The following WDR59 variants were observed in gnomAD, a reference collection of about 807,000 sequenced individuals.
WDR59 encodes GATOR2 complex protein WDR59.
In WDR59, 100 loss-of-function variants were observed where a neutral mutation model predicts 131.2. The ratio of observed to expected loss-of-function variants is 0.76; its 90% CI spans 0.65 to 0.90. The LOEUF (loss-of-function observed/expected upper bound fraction) is 0.90, where lower values mean the gene tolerates loss of function less well. Among genes scored for constraint, WDR59 ranks in the 40% least tolerant of loss-of-function variants. WDR59 has a pLI of 0.00. For missense variants in WDR59, 1,203 were observed against 1,262.2 expected (o/e 0.95, Z 0.71); for synonymous variants, 601 against 466.2 (o/e 1.29, Z -3.72).
At chr16:74,958,076 G>C (rs2033376782) in intron 2 of WDR59, among the ~76,000 whole-genome samples, 1 of 152,168 alleles carries the variant, frequency 6.6e-6, no homozygotes, top group Admixed American at 6.6e-5. Context: ...ATACATGTGA[G>C]GTGAGTATCA....
chr16:74,984,946 A>C lies in WDR59; in HGVS notation c.54+18T>G. On this transcript the variant is annotated intron_variant, in intron 1 of 25. Coordinates refer to ENST00000262144, the MANE Select transcript of WDR59 (RefSeq NM_030581.4). ...GGAGGACGCATGCCCAGAGGGCTCC[A>C]CTCGGCCTCTAGCTCACCTGGGAGT... 1 of 1,601,962 alleles carries C rather than the reference A, an allele frequency of 6.2e-7. No homozygotes were observed. The highest frequency in any genetic ancestry group is 8.5e-7 in the Non-Finnish European group (1 of 1,174,618).
At chr16:74,915,798 A>T in intron 13 of WDR59, 72 bp downstream of exon 13, 1 of 1,596,064 alleles carries the variant, frequency 6.3e-7, no homozygotes. Context: ...AACTGAAATC[A>T]TTGCTGAAAT....
intron 17 of WDR59, among the ~76,000 whole-genome samples, chr16:74,906,050 C>T (rs950916526): frequency 1.3e-5 from 2 of 151,684 alleles, no homozygotes; most frequent in Non-Finnish European, 2.9e-5. Flanking sequence ...CGCGGTGGCT[C>T]ACGCCTGTAA....
At chr16:74,884,379 C>T (rs989055103) in intron 25 of WDR59, among the ~76,000 whole-genome samples, 4 of 152,228 alleles carry the variant, frequency 2.6e-5, no homozygotes, top group Admixed American at 6.5e-5. Context: ...GACAGAGTCT[C>T]GCTCTGTCAC....
Position 74,965,401 on chromosome 16 carries a change from T to C in WDR59, c.104+372A>G, listed in dbSNP as rs192712976. Among the ~76,000 whole-genome samples the C allele has an allele frequency of 2.0e-3, 304 of 152,286 alleles. 1 individual carries two copies. Among genetic ancestry groups the C allele is most frequent in the Non-Finnish European group, 3.5e-3 (235 of 68,012 alleles). On this transcript the variant is annotated intron_variant, in intron 2 of 25. Coordinates refer to ENST00000262144, the MANE Select transcript of WDR59 (RefSeq NM_030581.4). The stretch of plus-strand genomic sequence containing the variant: ...GAATAAATGTCCAGGGGCTCACAGT[T>C]AGTGGCACCGTCAAACTGGAACTCA...
rs186765290 is a variant in WDR59 at position 74,971,501 on chromosome 16, C to T, written c.55-5679G>A. Among the ~76,000 whole-genome samples, 94 of 134,506 alleles carry T rather than the reference C, an allele frequency of 7.0e-4. 3 individuals carry two copies. The highest frequency in any genetic ancestry group is 2.1e-3 in the African/African-American group (72 of 34,432). 88.2% of individuals were successfully genotyped at this position (134,506 alleles called of 152,430 possible). A position where few individuals can be genotyped will look rare whatever the true frequency, so the allele number is the denominator to read the frequency against. On this transcript the variant is annotated intron_variant, in intron 1 of 25. Transcript: ENST00000262144. ...AGGCTGGAGTGCAGTGGCGCAATCT[C>T]GGCTCACTGCAACCTCTGCCTCCTG... is the stretch of plus-strand genomic sequence containing the variant.
intron 25 of WDR59, among the ~76,000 whole-genome samples, chr16:74,874,774 A>G (rs1406577529): frequency 6.6e-6 from 1 of 152,150 alleles, no homozygotes; most frequent in African/African-American, 2.4e-5. Flanking sequence ...TATTTTTAGT[A>G]GAGACGGGGT....
At chr16:74,964,252 G>A (rs1352745462) in intron 2 of WDR59, among the ~76,000 whole-genome samples, 5 of 151,738 alleles carry the variant, frequency 3.3e-5, no homozygotes, top group South Asian at 2.1e-4. Context: ...GGTGGCAGGC[G>A]CCTATAATCC....
chr16:74,961,142 C>CA (rs34336346), intron 2 of WDR59, among the ~76,000 whole-genome samples: 1,657 of 140,176 alleles, frequency 0.012, 31 homozygotes, highest in African/African-American at 0.038. Flanking sequence ...CCTGTCTCTA[C>CA]AAAAAAAAAA....
intron 8 of WDR59, among the ~76,000 whole-genome samples, chr16:74,928,142 G>A (rs981315318): frequency 2.0e-5 from 3 of 150,256 alleles, no homozygotes; most frequent in African/African-American, 4.9e-5. Context: ...TCTTGACATC[G>A]TGATCCACTC....
chr16:74,884,813 A>G (rs1487706132), intron 25 of WDR59, among the ~76,000 whole-genome samples: 1 of 152,100 alleles, frequency 6.6e-6, no homozygotes, highest in Admixed American at 6.5e-5. Flanking sequence ...CCTGTCCCTC[A>G]GTGTGGGATG....
chr16:74,935,951 C>T (rs1206530674), intron 8 of WDR59, among the ~76,000 whole-genome samples: 3 of 151,220 alleles, frequency 2.0e-5, no homozygotes, highest in East Asian at 1.9e-4. Flanking sequence ...GAGCCGAGAT[C>T]GCGCCACTGC....
At chr16:74,919,254 G>A (rs9932134) in intron 10 of WDR59, among the ~76,000 whole-genome samples, 5,034 of 151,822 alleles carry the variant, frequency 0.033, 275 homozygotes, top group African/African-American at 0.12. Flanking sequence ...CACTAAAACC[G>A]GTTCCTGCTG....
intron 1 of WDR59, among the ~76,000 whole-genome samples, chr16:74,977,263 T>TA (rs1227719599): frequency 4.0e-5 from 6 of 151,224 alleles, no homozygotes; most frequent in Non-Finnish European, 7.4e-5. Flanking sequence ...TAATTTAAAT[T>TA]AAAAAAAAAT....
rs749514290 is a variant in WDR59 at position 74,904,073 on chromosome 16, G to A, written c.1740C>T (p.His580=). 1.7e-5 allele frequency: 27 copies of A among 1,613,552 alleles called. No individual in the cohort carries two copies. Among genetic ancestry groups the A allele is most frequent in the Non-Finnish European group, 2.1e-5 (25 of 1,179,862 alleles). ...PRSLSALSAY[H]TGLIAPMKIR... ...TCTTCATGGGCGCGATCAAGCCAGT[G>A]TGATAAGCAGACAAGGCTGAGAGAG... Residue 580 remains histidine (H), a synonymous_variant, in exon 18 of 26, where the codon CAC becomes CAT. Coordinates refer to ENST00000262144, the MANE Select transcript of WDR59 (RefSeq NM_030581.4).
intron 1 of WDR59, among the ~76,000 whole-genome samples, chr16:74,980,921 C>T (rs1189830518): frequency 2.0e-5 from 3 of 151,682 alleles, no homozygotes; most frequent in South Asian, 2.1e-4. Flanking sequence ...GCTGAGATTG[C>T]GCCACTGCAC....
chr16:74,899,762 T>C (rs902969459), intron 18 of WDR59: 4 of 1,288,874 alleles, frequency 3.1e-6, no homozygotes, highest in Non-Finnish European at 4.0e-6. Flanking sequence ...CATCTGTGCA[T>C]GAAAACGTTA....
In WDR59 at chr16:74,915,969, A is replaced by G. The variant is rs755316401; in HGVS notation, c.1125T>C (p.Asn375=). The change falls in exon 13 of 26, where the codon AAT becomes AAC. Residue 375 remains asparagine, a synonymous_variant. Transcript: ENST00000262144. The part of the protein sequence containing the change: ...EEALKEDPPR[N]LLEERKSDQL... ...GATCTGATTTCCTCTCTTCCAGGAG[A>G]TTTCTAGGGGGATCTTCTTTTAGGG... 1 of 1,614,022 alleles carries G rather than the reference A, an allele frequency of 6.2e-7. No individual in the cohort carries two copies. The highest frequency in any genetic ancestry group is 1.1e-5 in the South Asian group (1 of 91,072).
intron 17 of WDR59, among the ~76,000 whole-genome samples, chr16:74,908,062 G>C (rs1274906685): frequency 6.6e-6 from 1 of 152,134 alleles, no homozygotes; most frequent in East Asian, 1.9e-4. Flanking sequence ...AACATGTTCT[G>C]TTGTTAAACA....
Sources: gnomAD v4.1 joint callset for allele counts (sites outside exome capture counted in the v4.1 genomes callset) on GRCh38, gnomAD v4.1.1 for gene constraint, MANE v1.5 for transcripts, NCBI Gene and HGNC (gene_info 2026-07-23, HGNC 2026-07-21) for gene names.